The following DIP2B variants were observed in gnomAD, a reference collection of about 807,000 sequenced individuals.
DIP2B encodes the protein DIP2 acetate--CoA ligase B (putative).
A neutral mutation model predicts 198.0 loss-of-function variants in DIP2B; 76 were observed. The observed-to-expected ratio is 0.38, with a 90% CI of 0.32 to 0.46. DIP2B has a LOEUF of 0.46. DIP2B is among the 20% of genes least tolerant of loss of function. The pLI is 0.99. For missense variants in DIP2B, 1,559 were observed against 1,978.4 expected, an observed-to-expected ratio of 0.79 and a Z score of 4.02; for synonymous variants, 701 against 739.1, an observed-to-expected ratio of 0.95 and a Z score of 0.84.
intron 3 of DIP2B, among the ~76,000 whole-genome samples, chr12:50,651,333 T>C (rs529553102): frequency 7.1e-4 from 108 of 152,354 alleles, no homozygotes; most frequent in African/African-American, 2.6e-3. Flanking sequence ...TTAAGTTTAA[T>C]GTAGTCTTAT....
chr12:50,517,416 TC>T (rs990618967), intron 1 of DIP2B, among the ~76,000 whole-genome samples: 1 of 152,192 alleles, frequency 6.6e-6, no homozygotes, highest in African/African-American at 2.4e-5. Context: ...TGTTTCTACT[TC>T]CTGTTCTCCA....
rs748023722 is a variant in DIP2B at position 50,625,967 on chromosome 12, C to G, written c.101-9C>G. ...ATGCATAACCTATTTCTGTTTCTTGCTATTTTAGGGGACATCACCCAGAAG... is the reference window on the plus strand; with the variant it reads ...ATGCATAACCTATTTCTGTTTCTTGGTATTTTAGGGGACATCACCCAGAAG... On this transcript the variant is annotated splice_polypyrimidine_tract_variant and intron_variant, in intron 1 of 37. Transcript: ENST00000301180. The G allele has an allele frequency of 1.2e-5, 20 of 1,613,286 alleles. 1 individual carries two copies. In the South Asian group the frequency reaches 1.9e-4, roughly 15 times the overall value.
At chr12:50,734,012 A>G (rs1233436349) in intron 32 of DIP2B, 123 bp from the exon 33 acceptor site, 1 of 979,162 alleles carries the variant, frequency 1.0e-6, no homozygotes, top group Non-Finnish European at 1.6e-6. Context: ...CCTACTCTCA[A>G]GGGGAGGAGA....
chr12:50,712,678 G>A (rs1371844832), intron 22 of DIP2B, among the ~76,000 whole-genome samples: 1 of 152,114 alleles, frequency 6.6e-6, no homozygotes, highest in East Asian at 1.9e-4. Flanking sequence ...GGAGGCCGAG[G>A]CAGGTGGATC....
At chr12:50,625,120 T>TCA (rs1458535239) in intron 1 of DIP2B, among the ~76,000 whole-genome samples, 6 of 152,370 alleles carry the variant, frequency 3.9e-5, no homozygotes, top group Admixed American at 3.3e-4. Context: ...TTTAAAAGGT[T>TCA]CTTTTTCAGA....
chr12:50,590,615 A>G (rs1317255720), intron 1 of DIP2B, among the ~76,000 whole-genome samples: 1 of 151,926 alleles, frequency 6.6e-6, no homozygotes, highest in Non-Finnish European at 1.5e-5. Flanking sequence ...TGATCTACCC[A>G]CCTCGGCCTC....
Position 50,562,193 on chromosome 12 carries a change from A to G in DIP2B, c.100+56953A>G, listed in dbSNP as rs1387640546. Among the ~76,000 whole-genome samples, 3 of 152,194 alleles carry G rather than the reference A, an allele frequency of 2.0e-5. No homozygotes were observed. In the East Asian group the frequency reaches 5.8e-4, roughly 29 times the overall value. On this transcript the variant is annotated intron_variant, in intron 1 of 37. Coordinates refer to ENST00000301180, the MANE Select transcript of DIP2B (RefSeq NM_173602.3). The stretch of plus-strand genomic sequence containing the variant: ...AGAAGAAGGGCGGTAGAGAAAGGGT[A>G]ACAAGCTGTTCTTCCAGATTTCCTA...
chr12:50,545,433 TG>T (rs1206361666), intron 1 of DIP2B, among the ~76,000 whole-genome samples: 1 of 146,392 alleles, frequency 6.8e-6, no homozygotes, highest in Non-Finnish European at 1.5e-5. Flanking sequence ...TAGAGTGCAG[TG>T]GCGCCATCAC....
intron 1 of DIP2B, among the ~76,000 whole-genome samples, chr12:50,622,602 A>C (rs947394725): frequency 5.9e-5 from 9 of 152,330 alleles, no homozygotes; most frequent in East Asian, 1.9e-4. Context: ...ACATGTGTGC[A>C]AACACATTAT....
chr12:50,718,634 G>T, intron 23 of DIP2B, 75 bp from the exon 24 acceptor site: 3 of 1,299,000 alleles, frequency 2.3e-6, no homozygotes, highest in Non-Finnish European at 3.3e-6. Flanking sequence ...ACCAGTTTTG[G>T]TCAGTCTGGA....
At chr12:50,623,437 ACTCTCTCT>A (rs142536204) in intron 1 of DIP2B, among the ~76,000 whole-genome samples, 164 of 57,122 alleles carry the variant, frequency 2.9e-3, no homozygotes, top group African/African-American at 0.012. Flanking sequence ...ACACACACAC[ACTCTCTCT>A]CTCTCTCTCT....
At chr12:50,662,062 T>A (rs190749646) in intron 4 of DIP2B, among the ~76,000 whole-genome samples, 1 of 152,366 alleles carries the variant, frequency 6.6e-6, no homozygotes, top group African/African-American at 2.4e-5. Context: ...TAGGCCTCTG[T>A]ATTTCTAGAC....
intron 1 of DIP2B, among the ~76,000 whole-genome samples, chr12:50,585,004 G>A (rs1231629049): frequency 1.3e-5 from 2 of 152,040 alleles, no homozygotes; most frequent in Admixed American, 1.3e-4. Context: ...TCATTATGCT[G>A]TGGCTATACT....
chr12:50,588,950 C>T (rs923962854), intron 1 of DIP2B, among the ~76,000 whole-genome samples: 12 of 151,926 alleles, frequency 7.9e-5, no homozygotes, highest in Non-Finnish European at 1.5e-4. Flanking sequence ...TTTGGGAGGC[C>T]GAGGCGGGCG....
At chr12:50,663,286 G>C (rs930801451) in intron 4 of DIP2B, among the ~76,000 whole-genome samples, 1 of 151,278 alleles carries the variant, frequency 6.6e-6, no homozygotes, top group Non-Finnish European at 1.5e-5. Flanking sequence ...TTAGCCGGGC[G>C]TGGTGGCAGC....
intron 3 of DIP2B, among the ~76,000 whole-genome samples, chr12:50,643,166 T>C (rs749005535): frequency 6.6e-6 from 1 of 152,184 alleles, no homozygotes; most frequent in Non-Finnish European, 1.5e-5. Flanking sequence ...GCCAATCAAA[T>C]GTAAAAAAGT....
rs1938765208 is a variant in DIP2B at position 50,666,934 on chromosome 12, C to T, written c.428-4252C>T. Among the ~76,000 whole-genome samples, 5 of 152,038 alleles carry T rather than the reference C, an allele frequency of 3.3e-5. No individual in the cohort carries two copies. The South Asian group carries it at 1.0e-3, about 32-fold the overall frequency. On this transcript the variant is annotated intron_variant, in intron 4 of 37. Transcript: ENST00000301180. The stretch of plus-strand genomic sequence containing the variant: ...CTACTCGGGACGCTGAGGCAGGAGA[C>T]CCTGTCTCAAAAAAAGAATAAAAGG...
intron 1 of DIP2B, among the ~76,000 whole-genome samples, chr12:50,620,355 G>A (rs1407969379): frequency 1.3e-5 from 2 of 152,210 alleles, no homozygotes; most frequent in Non-Finnish European, 2.9e-5. Flanking sequence ...AGGTGGTGAG[G>A]AAAGAAGTTG....
chr12:50,722,689 G>A (rs1035669290), intron 26 of DIP2B, among the ~76,000 whole-genome samples: 42 of 152,204 alleles, frequency 2.8e-4, no homozygotes, highest in Admixed American at 2.0e-3. Flanking sequence ...AGGCCACGGG[G>A]AAGGACCTGA....
Sources: gnomAD v4.1 joint callset for allele counts (sites outside exome capture counted in the v4.1 genomes callset) on GRCh38, gnomAD v4.1.1 for gene constraint, MANE v1.5 for transcripts, NCBI Gene and HGNC (gene_info 2026-07-23, HGNC 2026-07-21) for gene names.